The following MYL9 variants were observed in gnomAD, a reference collection of about 807,000 sequenced individuals.
MYL9 encodes the protein myosin regulatory light polypeptide 9.
A neutral mutation model predicts 12.8 loss-of-function variants in MYL9; 7 were observed. The ratio of observed to expected loss-of-function variants is 0.55; its 90% CI spans 0.31 to 1.03. The LOEUF (loss-of-function observed/expected upper bound fraction) is 1.03, where lower values mean the gene tolerates loss of function less well. Among genes scored for constraint, MYL9 ranks in the 50% least tolerant of loss-of-function variants. The pLI is 0.05. For synonymous variants in MYL9, 81 were observed against 87.8 expected, an observed-to-expected ratio of 0.92 and a Z score of 0.43; for missense variants, 190 against 242.7, an observed-to-expected ratio of 0.78 and a Z score of 1.44.
intron 2 of MYL9, 87 bp downstream of exon 2, chr20:36,545,155 C>T (rs561196246): frequency 2.5e-5 from 36 of 1,417,230 alleles, no homozygotes; most frequent in South Asian, 7.6e-5. Flanking sequence ...TGTAGTGAGA[C>T]GCGTGGTGTC....
intron 2 of MYL9, among the ~76,000 whole-genome samples, chr20:36,547,644 G>A (rs1178748453): frequency 6.6e-6 from 1 of 152,204 alleles, no homozygotes; most frequent in Non-Finnish European, 1.5e-5. Flanking sequence ...CCCTGGACAA[G>A]TCACCTGGCC....
intron 1 of MYL9, among the ~76,000 whole-genome samples, chr20:36,544,154 C>A (rs220076): frequency 0.63 from 95,532 of 152,012 alleles, 32,390 homozygotes; most frequent in Non-Finnish European, 0.77. Context: ...AAGCCTCACA[C>A]CCCGATAAGC....
rs2038164211 is a variant in MYL9 at position 36,551,314 on chromosome 20, TC to T, written c.*2067del. 1 of 152,182 alleles carries T rather than the reference TC, an allele frequency of 6.6e-6. No individual in the cohort carries two copies. The highest frequency in any genetic ancestry group is 1.5e-5 in the Non-Finnish European group (1 of 68,068). The allele number at this position is 152,182 out of a possible 1,614,324, so 9.4% of individuals were successfully genotyped here. A position where few individuals can be genotyped will look rare whatever the true frequency, so the allele number is the denominator to read the frequency against. Reference sequence around the variant, plus strand: ...CAGCAGTAAAGGACCCCCGGAACTTTCCAAGTCTAGCACAAAACCCAGAAGC... The same window carrying T: ...CAGCAGTAAAGGACCCCCGGAACTTTCAAGTCTAGCACAAAACCCAGAAGC... On this transcript the variant is annotated 3_prime_UTR_variant, in exon 4 of 4. Coordinates refer to ENST00000279022, the MANE Select transcript of MYL9 (RefSeq NM_006097.5).
chr20:36,547,744 C>T (rs2038117366), intron 2 of MYL9, among the ~76,000 whole-genome samples: 1 of 152,166 alleles, frequency 6.6e-6, no homozygotes, highest in Admixed American at 6.5e-5. Flanking sequence ...GGCACGTGGT[C>T]GACCAGCCAC....
intron 1 of MYL9, among the ~76,000 whole-genome samples, chr20:36,542,874 A>C (rs531656889): frequency 1.3e-5 from 2 of 152,326 alleles, no homozygotes; most frequent in African/African-American, 4.8e-5. Context: ...CAGAGAGTGC[A>C]GACCGGGTGG....
rs970050759 is a variant in MYL9 at position 36,549,483 on chromosome 20, C to A, written c.*234C>A. On this transcript the variant is annotated 3_prime_UTR_variant, in exon 4 of 4. Transcript: ENST00000279022. ...AGTCTCTGACCCCTCCAAGGAAAGA[C>A]CACCTTCTGGGGACATGGGCTGGAG... The A allele has an allele frequency of 2.3e-5, 11 of 476,190 alleles. No homozygotes were observed. The highest frequency in any genetic ancestry group is 3.8e-5 in the Non-Finnish European group (10 of 263,816). 29.5% of individuals were successfully genotyped at this position (476,190 alleles called of 1,614,324 possible). A position where few individuals can be genotyped will look rare whatever the true frequency, so the allele number is the denominator to read the frequency against.
Position 36,549,399 on chromosome 20 carries a change from A to G in MYL9, c.*150A>G. 1 of 701,124 alleles carries G rather than the reference A, an allele frequency of 1.4e-6. No homozygotes were observed. The highest frequency in any genetic ancestry group is 2.4e-6 in the Non-Finnish European group (1 of 423,086). 43.4% of individuals were successfully genotyped at this position (701,124 alleles called of 1,614,324 possible). A position where few individuals can be genotyped will look rare whatever the true frequency, so the allele number is the denominator to read the frequency against. On this transcript the variant is annotated 3_prime_UTR_variant, in exon 4 of 4. Transcript: ENST00000279022. ...TTCCCAGTGGAAGAAACAGGCCAGGAGAAGTGCGTGCCGAGCTGAGGCAGA... is the reference window on the plus strand; with the variant it reads ...TTCCCAGTGGAAGAAACAGGCCAGGGGAAGTGCGTGCCGAGCTGAGGCAGA...
In MYL9 at chr20:36,544,967, A is replaced by G; in HGVS notation, c.83A>G (p.Gln28Arg). 1.9e-6 allele frequency: 3 copies of G among 1,614,032 alleles called. No individual in the cohort carries two copies. The highest frequency in any genetic ancestry group is 2.5e-6 in the Non-Finnish European group (3 of 1,180,002). ...TCCAATGTCTTCGCAATGTTTGACC[A>G]GTCCCAGATCCAGGAGTTTAAGGAG... ...ATSNVFAMFD[Q>R]SQIQEFKEAF... is the part of the protein sequence containing the mutation. Residue 28 changes from glutamine (Q) to arginine (R), a missense_variant, in exon 2 of 4, where the codon CAG becomes CGG. Physicochemically the swap from Gln to Arg is conservative, Grantham distance 43 (BLOSUM62 1). Coordinates refer to ENST00000279022, the MANE Select transcript of MYL9 (RefSeq NM_006097.5).
In MYL9 at chr20:36,549,238, A is replaced by G. The variant is rs199508095; in HGVS notation, c.508A>G (p.Lys170Glu). The change falls in exon 4 of 4, where the codon AAA (lysine) becomes GAA (glutamate). Residue 170 changes from lysine to glutamate, a missense_variant. Transcript: ENST00000279022. Reference sequence around the variant, plus strand: ...CATCCTCAAACATGGCGCCAAGGATAAAGACGACTAGGCCACCCCAGCCCC... The same window carrying G: ...CATCCTCAAACATGGCGCCAAGGATGAAGACGACTAGGCCACCCCAGCCCC... Reference protein sequence around the residue: ...TRILKHGAKDKDD With the variant: ...TRILKHGAKDEDD The G allele has an allele frequency of 6.8e-6, 11 of 1,612,160 alleles. No homozygotes were observed. The East Asian group carries it at 2.2e-4, about 33-fold the overall frequency.
chr20:36,545,740 C>T (rs1437089475), intron 2 of MYL9, among the ~76,000 whole-genome samples: 5 of 151,914 alleles, frequency 3.3e-5, no homozygotes, highest in African/African-American at 1.2e-4. Context: ...ATCATCCTGG[C>T]TAACATGGTG....
intron 2 of MYL9, among the ~76,000 whole-genome samples, chr20:36,547,626 C>T (rs941728589): frequency 2.0e-5 from 3 of 152,238 alleles, no homozygotes; most frequent in Non-Finnish European, 4.4e-5. Context: ...TCCTTACTTG[C>T]TGTCTGACCC....
intron 1 of MYL9, among the ~76,000 whole-genome samples, chr20:36,544,642 C>G (rs913204814): frequency 3.9e-5 from 6 of 152,188 alleles, no homozygotes; most frequent in Non-Finnish European, 5.9e-5. Context: ...TGTCTCCAGT[C>G]CCAGATGAAG....
intron 2 of MYL9, among the ~76,000 whole-genome samples, 167 bp downstream of exon 2, chr20:36,545,235 C>T (rs1057397934): frequency 2.6e-5 from 4 of 152,166 alleles, no homozygotes; most frequent in African/African-American, 7.2e-5. Flanking sequence ...CGGTGGCTCA[C>T]GCCTGTAATC....
chr20:36,548,988 G>A, intron 3 of MYL9, 89 bp from the exon 4 acceptor site: 17 of 1,346,578 alleles, frequency 1.3e-5, no homozygotes, highest in Non-Finnish European at 1.7e-5. Context: ...CTCTAGGTCT[G>A]CAAGAGCTGC....
At chr20:36,548,002 C>T (rs1366494683) in intron 2 of MYL9, 30 bp from the exon 3 acceptor site, 4 of 1,579,678 alleles carry the variant, frequency 2.5e-6, no homozygotes, top group Non-Finnish European at 8.6e-7. Flanking sequence ...GGGCCCAGGA[C>T]CACAGGCTGG....
rs748665309 is a variant in MYL9, at chr20:36,549,195, C to T, written c.465C>T (p.Asn155=). 6.2e-7 allele frequency: 1 copy of T among 1,613,930 alleles called. No individual in the cohort carries two copies. Among genetic ancestry groups the T allele is most frequent in the Non-Finnish European group, 8.5e-7 (1 of 1,180,010 alleles). ...EAPIDKKGNF[N]YVEFTRILKH... is the part of the protein sequence containing the mutation. ...CCATTGATAAGAAAGGCAACTTCAA[C>T]TACGTGGAGTTCACCCGCATCCTCA... The change falls in exon 4 of 4, where the codon AAC becomes AAT. Residue 155 remains asparagine (N), a synonymous_variant. Transcript: ENST00000279022.
rs1480572140 is a variant in MYL9, at chr20:36,548,086, C to T, written c.239C>T (p.Pro80Leu). 6.2e-7 allele frequency: 1 copy of T among 1,613,734 alleles called. No homozygotes were observed. Among genetic ancestry groups the T allele is most frequent in the Non-Finnish European group, 8.5e-7 (1 of 1,179,874 alleles). ...GGCATGATGAGCGAGGCCCCGGGGC[C>T]CATCAACTTCACCATGTTCCTCACC... is the stretch of plus-strand genomic sequence containing the variant. ...LEGMMSEAPGPINFTMFLTMF... is the reference protein window; with the variant it reads ...LEGMMSEAPGLINFTMFLTMF... Residue 80 changes from proline (P) to leucine (L), a missense_variant, in exon 3 of 4, where the codon CCC (proline) becomes CTC (leucine). Coordinates refer to ENST00000279022, the MANE Select transcript of MYL9 (RefSeq NM_006097.5).
intron 2 of MYL9, 50 bp downstream of exon 2, chr20:36,545,118 T>C (rs1352613368): frequency 6.3e-7 from 1 of 1,590,192 alleles, no homozygotes. Flanking sequence ...AGGCAGGCTC[T>C]GCCAATCATT....
At chr20:36,543,933 C>A (rs1374393348) in intron 1 of MYL9, among the ~76,000 whole-genome samples, 1 of 152,012 alleles carries the variant, frequency 6.6e-6, no homozygotes, top group Non-Finnish European at 1.5e-5. Context: ...AGGGACACCA[C>A]GAGGGCTGTC....
Sources: allele counts gnomAD v4.1 joint callset (sites outside exome capture counted in the v4.1 genomes callset), GRCh38; gene constraint gnomAD v4.1.1; transcripts MANE v1.5; gene names NCBI Gene and HGNC (gene_info 2026-07-23, HGNC 2026-07-21).